The following GATAD2B variants were observed in gnomAD, a reference collection of about 807,000 sequenced individuals.
GATAD2B encodes the protein GATA zinc finger domain containing 2B.
In GATAD2B, 8 loss-of-function variants were observed where a neutral mutation model predicts 64.3. The ratio of observed to expected loss-of-function variants is 0.12; its 90% confidence interval spans 0.07 to 0.22. The LOEUF (loss-of-function observed/expected upper bound fraction) is 0.22. GATAD2B is among the 10% of genes least tolerant of loss of function. The pLI is 1.00. For synonymous variants in GATAD2B, 281 were observed against 271.3 expected (o/e 1.04, Z -0.35); for missense variants, 453 against 752.0 (o/e 0.60, Z 4.65).
intron 2 of GATAD2B, among the ~76,000 whole-genome samples, chr1:153,823,605 C>T (rs1188075413): frequency 6.6e-6 from 1 of 152,184 alleles, no homozygotes; most frequent in Admixed American, 6.6e-5. Flanking sequence ...CCACTTTGGC[C>T]TCCCAAAGTG....
intron 1 of GATAD2B, among the ~76,000 whole-genome samples, chr1:153,891,211 A>G (rs1392274592): frequency 1.3e-5 from 2 of 151,166 alleles, no homozygotes; most frequent in Non-Finnish European, 2.9e-5. Context: ...AAAGGAAAAG[A>G]AAGGAAAGGA....
intron 1 of GATAD2B, among the ~76,000 whole-genome samples, chr1:153,896,477 C>A (rs927959165): frequency 2.1e-5 from 3 of 144,050 alleles, no homozygotes; most frequent in African/African-American, 7.9e-5. Flanking sequence ...GCTCTTGTTG[C>A]CCAGGCTGGA....
rs1674124625 is a variant in GATAD2B, at chr1:153,806,772, T to G, written c.*3405A>C. 1 of 144,258 alleles carries G rather than the reference T, an allele frequency of 6.9e-6. No homozygotes were observed. 8.9% of individuals were successfully genotyped at this position (144,258 alleles called of 1,614,324 possible). A position where few individuals can be genotyped will look rare whatever the true frequency, so the allele number is the denominator to read the frequency against. ...TGGGAGCCTAGGACGGGGGTGGGGG[T>G]AGGGGGTGTGGAGAGAAGGGTTATG... is the stretch of plus-strand genomic sequence containing the variant. On this transcript the variant is annotated 3_prime_UTR_variant, in exon 11 of 11. Transcript: ENST00000368655.
intron 1 of GATAD2B, among the ~76,000 whole-genome samples, chr1:153,862,644 C>A (rs1676347673): frequency 6.6e-6 from 1 of 151,472 alleles, no homozygotes; most frequent in Admixed American, 6.6e-5. Flanking sequence ...CCATGAACTG[C>A]AAAAAGATAA....
At chr1:153,837,967 G>A (rs1044266788) in intron 1 of GATAD2B, among the ~76,000 whole-genome samples, 4 of 152,000 alleles carry the variant, frequency 2.6e-5, no homozygotes, top group Non-Finnish European at 5.9e-5. Flanking sequence ...ACTTTATCAC[G>A]TATTCTTACT....
intron 1 of GATAD2B, among the ~76,000 whole-genome samples, chr1:153,832,678 A>G (rs1222613448): frequency 6.6e-6 from 1 of 152,078 alleles, no homozygotes; most frequent in Non-Finnish European, 1.5e-5. Context: ...GATTTAAGGG[A>G]TACATGTGTA....
intron 1 of GATAD2B, among the ~76,000 whole-genome samples, chr1:153,865,027 G>A (rs1334549381): frequency 4.6e-5 from 7 of 152,080 alleles, no homozygotes; most frequent in African/African-American, 7.2e-5. Context: ...CCGAGATCCC[G>A]CCACTGCACT....
intron 1 of GATAD2B, among the ~76,000 whole-genome samples, chr1:153,829,930 T>C (rs150081088): frequency 5.3e-5 from 8 of 152,126 alleles, no homozygotes; most frequent in African/African-American, 1.9e-4. Context: ...TGAAACCCTG[T>C]CTGCACTAAA....
chr1:153,873,109 C>T (rs1676721320), intron 1 of GATAD2B, among the ~76,000 whole-genome samples: 1 of 152,036 alleles, frequency 6.6e-6, no homozygotes, highest in African/African-American at 2.4e-5. Context: ...AATGTTAACA[C>T]AGGGAAGAAG....
chr1:153,840,800 T>C lies in GATAD2B; in HGVS notation c.-1-12452A>G, dbSNP rs532983566. 3.3e-5 allele frequency among the ~76,000 whole-genome samples: 5 copies of C among 152,318 alleles called. No homozygotes were observed. In the South Asian group the frequency reaches 6.2e-4, roughly 19 times the overall value. ...TCACAGAGAATTTTACTGTGCACACTGAAGAGATTGTTCTTATTATAAAAT... is the reference window on the plus strand; with the variant it reads ...TCACAGAGAATTTTACTGTGCACACCGAAGAGATTGTTCTTATTATAAAAT... On this transcript the variant is annotated intron_variant, in intron 1 of 10. Coordinates refer to ENST00000368655, the MANE Select transcript of GATAD2B (RefSeq NM_020699.4).
chr1:153,907,742 A>C (rs1489282342), intron 1 of GATAD2B, among the ~76,000 whole-genome samples: 3 of 150,454 alleles, frequency 2.0e-5, no homozygotes, highest in African/African-American at 7.4e-5. Flanking sequence ...AGGTACAAGC[A>C]ATTCTCCTGT....
At chr1:153,880,044 A>G (rs959837290) in intron 1 of GATAD2B, among the ~76,000 whole-genome samples, 3 of 152,154 alleles carry the variant, frequency 2.0e-5, no homozygotes, top group Admixed American at 2.0e-4. Flanking sequence ...AGAAATAAAA[A>G]AGAAGGGGGA....
At chr1:153,908,107 A>G (rs1348308507) in intron 1 of GATAD2B, among the ~76,000 whole-genome samples, 11 of 152,170 alleles carry the variant, frequency 7.2e-5, no homozygotes, top group African/African-American at 2.6e-4. Flanking sequence ...CCAGCCTAAG[A>G]TGGTAAATTT....
intron 1 of GATAD2B, among the ~76,000 whole-genome samples, chr1:153,835,368 GA>G (rs1054974573): frequency 4.6e-5 from 7 of 151,950 alleles, no homozygotes; most frequent in African/African-American, 1.7e-4. Context: ...CATGCTATAT[GA>G]AAATCTTTCA....
intron 1 of GATAD2B, among the ~76,000 whole-genome samples, chr1:153,849,030 C>T (rs1349904482): frequency 6.8e-6 from 1 of 147,924 alleles, no homozygotes; most frequent in Non-Finnish European, 1.5e-5. Flanking sequence ...TGTGTGTGTT[C>T]TGTTTTGTTT....
intron 3 of GATAD2B, 59 bp from the exon 4 acceptor site, chr1:153,818,981 A>C (rs1674580639): frequency 6.4e-7 from 1 of 1,555,070 alleles, no homozygotes; most frequent in East Asian, 2.2e-5. Context: ...TCCTTCCTGC[A>C]AGAGACAATC....
intron 1 of GATAD2B, among the ~76,000 whole-genome samples, chr1:153,836,248 T>C (rs932221048): frequency 1.3e-5 from 2 of 148,672 alleles, no homozygotes; most frequent in African/African-American, 4.9e-5. Context: ...GAGACTCATC[T>C]CTAAAAAAAA....
At chr1:153,850,646 G>A (rs1675853234) in intron 1 of GATAD2B, among the ~76,000 whole-genome samples, 1 of 152,048 alleles carries the variant, frequency 6.6e-6, no homozygotes, top group Admixed American at 6.5e-5. Context: ...TTGGCCAGGT[G>A]CGGTGGCTCA....
At chr1:153,852,397 T>G in intron 1 of GATAD2B, 2 of 803,832 alleles carry the variant, frequency 2.5e-6, no homozygotes, top group East Asian at 4.9e-5. Context: ...ACCTTGGATG[T>G]TCTGTGGTCA....
Sources: allele counts gnomAD v4.1 joint callset (sites outside exome capture counted in the v4.1 genomes callset), GRCh38; gene constraint gnomAD v4.1.1; transcripts MANE v1.5; gene names NCBI Gene and HGNC (gene_info 2026-07-23, HGNC 2026-07-21).